NMBR: variants seen among roughly 807,000 people sequenced by gnomAD.
The protein encoded by NMBR is neuromedin-B receptor.
NMBR carries 16 observed loss-of-function variants against 20.5 expected under a neutral mutation model. The observed-to-expected ratio is 0.78, with a 90% confidence interval of 0.53 to 1.19. NMBR has a LOEUF of 1.19. Among genes scored for constraint, NMBR ranks in the 50% most tolerant of loss-of-function variants. The probability of loss-of-function intolerance (pLI) is 0.00; values close to 1 mark genes in which losing one functional copy is unlikely to be tolerated. For synonymous variants in NMBR, 212 were observed against 196.6 expected (o/e 1.08, Z -0.65); for missense variants, 582 against 499.1 (o/e 1.17, Z -1.58).
intron 2 of NMBR, among the ~76,000 whole-genome samples, chr6:142,085,989 T>A (rs932755268): frequency 6.6e-6 from 1 of 152,022 alleles, no homozygotes; most frequent in Non-Finnish European, 1.5e-5. Context: ...GTTTTTTCAC[T>A]GTAATAAATC....
chr6:142,088,146 C>A lies in NMBR; in HGVS notation c.422+91G>T, dbSNP rs567159164. ...TCCACACCCAACCTTTCCTTGCGTC[C>A]TTCTGCCAGTAGGTGCACTCCGGGT... On this transcript the variant is annotated intron_variant, in intron 2 of 3. Transcript: ENST00000258042. The A allele has an allele frequency of 5.9e-5, 78 of 1,311,696 alleles. No homozygotes were observed. In the African/African-American group the frequency reaches 9.9e-4, roughly 17 times the overall value. The allele number at this position is 1,311,696 out of a possible 1,614,324, so 81.3% of individuals were successfully genotyped here. A position where few individuals can be genotyped will look rare whatever the true frequency, so the allele number is the denominator to read the frequency against.
In NMBR at chr6:142,082,554, A is replaced by G. The variant is rs562595556; in HGVS notation, c.423-3651T>C. Among the ~76,000 whole-genome samples, 12 of 152,360 alleles carry G rather than the reference A, an allele frequency of 7.9e-5. No homozygotes were observed. In the East Asian group the frequency reaches 2.3e-3, roughly 29 times the overall value. On this transcript the variant is annotated intron_variant, in intron 2 of 3. Coordinates refer to ENST00000258042, the MANE Select transcript of NMBR (RefSeq NM_002511.4). ...GTAGAGTTACTAATGCAGAATCCCT[A>G]GAATGTGAAATGTGGGATTCTGCAT...
intron 3 of NMBR, among the ~76,000 whole-genome samples, chr6:142,077,443 C>A (rs1159770119): frequency 1.3e-5 from 2 of 150,926 alleles, no homozygotes; most frequent in African/African-American, 4.9e-5. Context: ...AGTAAAAGAA[C>A]TAATTATATA....
At chr6:142,082,433 C>T (rs774055261) in intron 2 of NMBR, among the ~76,000 whole-genome samples, 7 of 152,044 alleles carry the variant, frequency 4.6e-5, no homozygotes, top group East Asian at 3.9e-4. Flanking sequence ...TGATGACAAA[C>T]GGAGACTGAG....
intron 1 of NMBR, among the ~76,000 whole-genome samples, chr6:142,096,252 C>A (rs532479791): frequency 6.6e-6 from 1 of 152,194 alleles, no homozygotes; most frequent in African/African-American, 2.4e-5. Flanking sequence ...GTTAGGGTGT[C>A]AATTTTAGAT....
At chr6:142,117,843 T>TAAAGTACACAACA (rs1777879939) in intron 1 of NMBR, among the ~76,000 whole-genome samples, 2 of 151,938 alleles carry the variant, frequency 1.3e-5, no homozygotes, top group South Asian at 4.1e-4. Flanking sequence ...TTTCTCACAC[T>TAAAGTACACAACA]AAAGTACACA....
At chr6:142,103,450 T>C (rs1777602688) in intron 1 of NMBR, among the ~76,000 whole-genome samples, 1 of 152,170 alleles carries the variant, frequency 6.6e-6, no homozygotes, top group African/African-American at 2.4e-5. Flanking sequence ...AACCAAACAT[T>C]GGTCAAAAAC....
intron 1 of NMBR, among the ~76,000 whole-genome samples, chr6:142,130,777 G>A (rs556387838): frequency 6.6e-6 from 1 of 152,016 alleles, no homozygotes; most frequent in African/African-American, 2.4e-5. Flanking sequence ...AATGAAAAAG[G>A]GAAGACACTT....
chr6:142,133,900 G>T lies in NMBR; in HGVS notation c.-664+13144C>A. Reference sequence around the variant, plus strand: ...AATTCCACACCCTTTTCTTTGGATCGATCCGAATATTCTTCCTCGGGGTGC... The same window carrying T: ...AATTCCACACCCTTTTCTTTGGATCTATCCGAATATTCTTCCTCGGGGTGC... On this transcript the variant is annotated intron_variant, in intron 1 of 3. Coordinates refer to ENST00000258042, the MANE Select transcript of NMBR (RefSeq NM_002511.4). 7.1e-6 allele frequency: 5 copies of T among 701,922 alleles called. 1 individual carries two copies. The South Asian group carries it at 7.4e-5, about 10-fold the overall frequency. The allele number at this position is 701,922 out of a possible 1,614,324, so 43.5% of individuals were successfully genotyped here.
chr6:142,079,126 G>GA (rs11451074), intron 2 of NMBR, among the ~76,000 whole-genome samples: 10,518 of 102,952 alleles, frequency 0.1, 913 homozygotes, highest in African/African-American at 0.18. Flanking sequence ...AAGAAAGAAA[G>GA]AAGAAAGAAA....
chr6:142,129,274 G>A (rs1231250577), intron 1 of NMBR, among the ~76,000 whole-genome samples: 2 of 152,012 alleles, frequency 1.3e-5, no homozygotes, highest in African/African-American at 2.4e-5. Context: ...ACTAATAGTA[G>A]TAGTAGTAAA....
Position 142,087,393 on chromosome 6 carries a change from T to TC in NMBR, c.422+843dup, listed in dbSNP as rs1184310233. Among the ~76,000 whole-genome samples the TC allele has an allele frequency of 2.6e-4, 40 of 152,280 alleles. No individual in the cohort carries two copies. In the East Asian group the frequency reaches 7.3e-3, roughly 28 times the overall value. The stretch of plus-strand genomic sequence containing the variant: ...GAAAAGGTACCTAATTTTGCATTTT[T>TC]CCCCACCCCTATCCAAACATTCCCT... On this transcript the variant is annotated intron_variant, in intron 2 of 3. Coordinates refer to ENST00000258042, the MANE Select transcript of NMBR (RefSeq NM_002511.4).
At chr6:142,116,293 C>A (rs920686097) in intron 1 of NMBR, among the ~76,000 whole-genome samples, 8 of 151,880 alleles carry the variant, frequency 5.3e-5, no homozygotes, top group Non-Finnish European at 1.2e-4. Context: ...AACACATATA[C>A]CCACATCGAC....
intron 1 of NMBR, among the ~76,000 whole-genome samples, chr6:142,110,674 A>G (rs148815304): frequency 1.4e-4 from 21 of 152,326 alleles, no homozygotes; most frequent in African/African-American, 4.8e-4. Flanking sequence ...CTCTGTGAAC[A>G]TACCAAAAAC....
At chr6:142,092,023 A>C (rs1258155084) in intron 1 of NMBR, among the ~76,000 whole-genome samples, 1 of 152,158 alleles carries the variant, frequency 6.6e-6, no homozygotes, top group Admixed American at 6.5e-5. Context: ...TACTATACTT[A>C]TGGAGACATT....
At position 142,147,056 on chromosome 6, in the gene NMBR, C is replaced by T. The variant is rs1329668903; in HGVS notation, c.-676G>A. 1.8e-6 allele frequency: 1 copy of T among 560,282 alleles called. No individual in the cohort carries two copies. The highest frequency in any genetic ancestry group is 2.3e-5 in the South Asian group (1 of 42,802). The allele number at this position is 560,282 out of a possible 1,614,324, so 34.7% of individuals were successfully genotyped here. ...CCCTTCCTCCTACCAGCAGAGAGCG[C>T]TAGCGCCATGCGCGGCATAAGCGCC... On this transcript the variant is annotated 5_prime_UTR_variant, in exon 1 of 4. Coordinates refer to ENST00000258042, the MANE Select transcript of NMBR (RefSeq NM_002511.4).
intron 1 of NMBR, among the ~76,000 whole-genome samples, chr6:142,130,251 A>T (rs1041527326): frequency 3.4e-4 from 52 of 152,186 alleles, no homozygotes; most frequent in African/African-American, 1.2e-3. Context: ...CCTAGAGATG[A>T]GTTTGCAGGA....
rs756996114 is a variant in NMBR at position 142,140,363 on chromosome 6, A to ATATTATAT, written c.-664+6680_-664+6681insATATAATA. ...AGTTGAAGTATGCTGTGATAACTTT[A>ATATTATAT]AGTTGTATATTATAAAATATAAAAC... On this transcript the variant is annotated intron_variant, in intron 1 of 3. Coordinates refer to ENST00000258042, the MANE Select transcript of NMBR (RefSeq NM_002511.4). Among the ~76,000 whole-genome samples, 883 of 152,220 alleles carry ATATTATAT rather than the reference A, an allele frequency of 5.8e-3. 10 individuals are homozygous for ATATTATAT. The highest frequency in any genetic ancestry group is 0.027 in the Middle Eastern group (8 of 294).
chr6:142,079,104 G>GAAAGAAAGAAAGAC (rs764796811), intron 2 of NMBR, among the ~76,000 whole-genome samples: 2 of 58,570 alleles, frequency 3.4e-5, no homozygotes, highest in Admixed American at 3.3e-4. Flanking sequence ...AAGAGAGAGA[G>GAAAGAAAGAAAGAC]AGAAAGAAAG....
Sources: allele counts gnomAD v4.1 joint callset (sites outside exome capture counted in the v4.1 genomes callset), GRCh38; gene constraint gnomAD v4.1.1; transcripts MANE v1.5; gene names NCBI Gene and HGNC (gene_info 2026-07-23, HGNC 2026-07-21).